PCDH15: variants seen among roughly 807,000 people sequenced by gnomAD.
PCDH15 encodes protocadherin-15.
A neutral mutation model predicts 178.5 loss-of-function variants in PCDH15; 129 were observed. The observed-to-expected ratio is 0.72, with a 90% CI of 0.63 to 0.84. The LOEUF is 0.84. Ranked by LOEUF, PCDH15 falls within the 40% of genes least tolerant of loss-of-function variation. PCDH15 has a pLI of 0.00. For synonymous variants in PCDH15, 800 were observed against 732.0 expected (o/e 1.09, Z -1.50); for missense variants, 2,230 against 2,099.9 (o/e 1.06, Z -1.21).
At chr10:55,237,288 C>T (rs1387495863) in intron 1 of PCDH15, among the ~76,000 whole-genome samples, 1 of 152,056 alleles carries the variant, frequency 6.6e-6, no homozygotes, top group Non-Finnish European at 1.5e-5. Context: ...ACAGCCCCTT[C>T]TTTTACTTAA....
At chr10:54,788,399 G>A (rs1229468917) in intron 1 of PCDH15, among the ~76,000 whole-genome samples, 2 of 151,822 alleles carry the variant, frequency 1.3e-5, no homozygotes, top group Non-Finnish European at 2.9e-5. Context: ...TGGTTATGCA[G>A]GTCTGAGCTA....
chr10:54,568,928 T>C (rs1408454282), intron 2 of PCDH15, among the ~76,000 whole-genome samples: 1 of 152,010 alleles, frequency 6.6e-6, no homozygotes, highest in Non-Finnish European at 1.5e-5. Flanking sequence ...TTGATTGCCA[T>C]TTTGTAGTCT....
intron 8 of PCDH15, among the ~76,000 whole-genome samples, chr10:54,247,965 T>A (rs868346848): frequency 1.6e-4 from 23 of 140,810 alleles, no homozygotes; most frequent in African/African-American, 6.1e-4. Flanking sequence ...TATATACACA[T>A]ACAGTAAATG....
chr10:53,834,486 T>G (rs1245478260), intron 29 of PCDH15, among the ~76,000 whole-genome samples: 1 of 151,696 alleles, frequency 6.6e-6, no homozygotes, highest in Non-Finnish European at 1.5e-5. Flanking sequence ...AAGAGATAGA[T>G]CTGCCCAAAT....
intron 2 of PCDH15, among the ~76,000 whole-genome samples, chr10:55,476,451 T>C (rs936542770): frequency 9.9e-5 from 15 of 152,130 alleles, no homozygotes; most frequent in South Asian, 2.1e-4. Context: ...ATTTTTAAAT[T>C]GACAATGATT....
At chr10:53,836,433 G>A (rs2077311387) in intron 29 of PCDH15, among the ~76,000 whole-genome samples, 1 of 152,112 alleles carries the variant, frequency 6.6e-6, no homozygotes, top group Non-Finnish European at 1.5e-5. Flanking sequence ...AGTGTGGGCA[G>A]AAACCTCTTC....
At chr10:54,844,568 T>C (rs1229172508) in intron 3 of PCDH15, among the ~76,000 whole-genome samples, 1 of 152,000 alleles carries the variant, frequency 6.6e-6, no homozygotes, top group Non-Finnish European at 1.5e-5. Context: ...GGATTTATGA[T>C]GGATTTTCTT....
intron 8 of PCDH15, among the ~76,000 whole-genome samples, chr10:54,286,624 C>T (rs2059043718): frequency 1.3e-5 from 2 of 151,810 alleles, no homozygotes; most frequent in Non-Finnish European, 2.9e-5. Context: ...CATGACTCTT[C>T]CTGATTTTTT....
intron 3 of PCDH15, among the ~76,000 whole-genome samples, chr10:54,881,486 G>A (rs1020333129): frequency 2.0e-5 from 3 of 152,060 alleles, no homozygotes; most frequent in East Asian, 1.9e-4. Flanking sequence ...ATATTAGGGT[G>A]TAGAAATAGC....
chr10:53,961,796 T>C lies in PCDH15; in HGVS notation c.2965A>G (p.Ile989Val), dbSNP rs1442095344. The change falls in exon 22 of 38, where the codon ATA (isoleucine) becomes GTA (valine). Residue 989 changes from isoleucine to valine, a missense_variant. Coordinates refer to ENST00000644397, the MANE Select transcript of PCDH15 (RefSeq NM_001384140.1). ...TCTTCATTAAGATTGACTCGTGTTA[T>C]TACTCTTCCAGAATCTTCTTCCACT... ...FEVEEDSGRVITRVNLNEEPT... is the reference protein window; with the variant it reads ...FEVEEDSGRVVTRVNLNEEPT... 1.2e-6 allele frequency: 2 copies of C among 1,611,684 alleles called. No individual in the cohort carries two copies. The highest frequency in any genetic ancestry group is 2.7e-5 in the African/African-American group (2 of 74,884).
At chr10:55,534,679 C>T (rs1397581733) in intron 2 of PCDH15, among the ~76,000 whole-genome samples, 1 of 151,894 alleles carries the variant, frequency 6.6e-6, no homozygotes, top group East Asian at 1.9e-4. Flanking sequence ...AACTTAAAAA[C>T]AGAGCTGCAT....
At chr10:55,155,520 A>T (rs931826774) in intron 2 of PCDH15, among the ~76,000 whole-genome samples, 3 of 149,714 alleles carry the variant, frequency 2.0e-5, no homozygotes, top group African/African-American at 7.3e-5. Context: ...ATAATAAATT[A>T]TAAATAATTA....
At chr10:53,825,847 T>C (rs1474008635) in intron 32 of PCDH15, among the ~76,000 whole-genome samples, 2 of 151,496 alleles carry the variant, frequency 1.3e-5, no homozygotes, top group Non-Finnish European at 3.0e-5. Flanking sequence ...TGAATACATA[T>C]ATTACAATTG....
chr10:54,039,871 T>C (rs565430749), intron 18 of PCDH15, among the ~76,000 whole-genome samples: 72 of 152,032 alleles, frequency 4.7e-4, no homozygotes, highest in Middle Eastern at 3.4e-3. Flanking sequence ...TGCTGAAGAA[T>C]TTATCATTAC....
intron 12 of PCDH15, among the ~76,000 whole-genome samples, chr10:54,183,927 T>C (rs2048245663): frequency 1.3e-5 from 2 of 152,148 alleles, no homozygotes; most frequent in African/African-American, 4.8e-5. Flanking sequence ...AAAAACTTAA[T>C]TGGAAAATAT....
intron 2 of PCDH15, among the ~76,000 whole-genome samples, chr10:54,537,362 T>C (rs1433648811): frequency 6.6e-6 from 1 of 152,116 alleles, no homozygotes; most frequent in East Asian, 1.9e-4. Context: ...GAAGAGCTGG[T>C]ATCAAGTCTG....
intron 1 of PCDH15, among the ~76,000 whole-genome samples, chr10:55,208,054 A>T (rs1440348701): frequency 1.3e-5 from 2 of 152,172 alleles, no homozygotes; most frequent in East Asian, 3.8e-4. Flanking sequence ...TGAATAAAAG[A>T]TGCTTGAATA....
chr10:55,366,230 G>A (rs1490898225), intron 2 of PCDH15: 2 of 152,042 alleles, frequency 1.3e-5, no homozygotes, highest in African/African-American at 4.8e-5. Context: ...GTAGATATAA[G>A]ATTTTGTTTA....
chr10:54,269,181 T>C (rs1329983370), intron 8 of PCDH15, among the ~76,000 whole-genome samples: 1 of 151,974 alleles, frequency 6.6e-6, no homozygotes, highest in African/African-American at 2.4e-5. Context: ...TATGTTCAGC[T>C]TTCAGTGAAG....
Sources: gnomAD v4.1 joint callset for allele counts (sites outside exome capture counted in the v4.1 genomes callset) on GRCh38, gnomAD v4.1.1 for gene constraint, MANE v1.5 for transcripts, NCBI Gene and HGNC (gene_info 2026-07-23, HGNC 2026-07-21) for gene names.